PRDM1: variants seen among roughly 807,000 people sequenced by gnomAD.
PRDM1 encodes PR/SET domain 1, also known as PR domain zinc finger protein 1.
A neutral mutation model predicts 62.8 loss-of-function variants in PRDM1; 13 were observed. That is an observed-to-expected ratio of 0.21 (90% confidence interval 0.13 to 0.33). The LOEUF is 0.33. Among genes scored for constraint, PRDM1 ranks in the 10% least tolerant of loss-of-function variants. The pLI is 1.00. For synonymous variants in PRDM1, 396 were observed against 417.6 expected, an observed-to-expected ratio of 0.95 and a Z score of 0.63; for missense variants, 895 against 1,058.8, an observed-to-expected ratio of 0.85 and a Z score of 2.15.
intron 1 of PRDM1, among the ~76,000 whole-genome samples, chr6:106,030,126 C>T (rs1582431684): frequency 6.6e-6 from 1 of 151,990 alleles, no homozygotes; most frequent in African/African-American, 2.4e-5. Flanking sequence ...TTTGATATAT[C>T]TTTTGTGAAT....
In PRDM1 at chr6:106,106,019, C is replaced by T; in HGVS notation, c.1773+86C>T. The T allele has an allele frequency of 6.6e-7, 1 of 1,514,910 alleles. No homozygotes were observed. 93.8% of individuals were successfully genotyped at this position (1,514,910 alleles called of 1,614,324 possible). ...CTTGCTTTCCATGGGGTATCGATTG[C>T]ATTTGCAGTAGTATGAGCCCCCGGT... On this transcript the variant is annotated intron_variant, in intron 5 of 6. Transcript: ENST00000369096. The surrounding 1 kb of genome is among the most constrained non-coding windows in gnomAD (Gnocchi z 4.4).
At chr6:106,035,578 A>G (rs1179373310) in intron 1 of PRDM1, among the ~76,000 whole-genome samples, 2 of 152,166 alleles carry the variant, frequency 1.3e-5, no homozygotes. Flanking sequence ...GCAGTGAGCT[A>G]TGATAATGCC....
Position 106,080,329 on chromosome 6 carries a change from A to T in PRDM1, c.-66-7872A>T, listed in dbSNP as rs538017469. Reference sequence around the variant, plus strand: ...TTTAATCACTGATGTGCCCGTGAGCATGATTAGCTGTTAACCGATTAGTGA... The same window carrying T: ...TTTAATCACTGATGTGCCCGTGAGCTTGATTAGCTGTTAACCGATTAGTGA... On this transcript the variant is annotated intron_variant, in intron 1 of 6. Transcript: ENST00000651185. 2.6e-5 allele frequency among the ~76,000 whole-genome samples: 4 copies of T among 152,316 alleles called. No homozygotes were observed. In the South Asian group the frequency reaches 8.3e-4, roughly 32 times the overall value.
intron 1 of PRDM1, among the ~76,000 whole-genome samples, chr6:106,075,834 G>C (rs1773595982): frequency 1.3e-5 from 2 of 152,020 alleles, no homozygotes; most frequent in South Asian, 4.1e-4. Flanking sequence ...TGGTACTACA[G>C]GCATGCGACA....
At chr6:106,031,974 CTT>C (rs1350880111) in intron 1 of PRDM1, among the ~76,000 whole-genome samples, 2 of 152,016 alleles carry the variant, frequency 1.3e-5, no homozygotes, top group African/African-American at 4.8e-5. Flanking sequence ...ATGCAGGAAA[CTT>C]ATTTATTTTT....
intron 1 of PRDM1, among the ~76,000 whole-genome samples, chr6:106,033,905 T>C (rs1000764021): frequency 2.0e-5 from 3 of 152,118 alleles, no homozygotes; most frequent in African/African-American, 7.2e-5. Context: ...TTTATTATTA[T>C]TTTTATTACT....
In PRDM1 at chr6:106,088,347, C is replaced by T. The variant is rs994385430; in HGVS notation, c.189C>T (p.Asn63=). The change falls in exon 2 of 7, where the codon AAC becomes AAT. Residue 63 remains asparagine (N), a synonymous_variant. Coordinates refer to ENST00000369096, the MANE Select transcript of PRDM1 (RefSeq NM_001198.4). ...EFEEKCTYIV[N]DHPWDSGADG... ...AAGAGAAGTGTACATACATTGTGAA[C>T]GACCACCCCTGGGATTCTGGTGCTG... The T allele has an allele frequency of 9.9e-6, 16 of 1,614,020 alleles. No individual in the cohort carries two copies. The highest frequency in any genetic ancestry group is 8.3e-5 in the Admixed American group (5 of 59,994).
At chr6:106,052,101 A>G (rs995635660) in intron 1 of PRDM1, among the ~76,000 whole-genome samples, 13 of 152,198 alleles carry the variant, frequency 8.5e-5, no homozygotes, top group Admixed American at 5.2e-4. Flanking sequence ...GATACTGATG[A>G]TGGTTGCCCC....
At chr6:106,055,872 T>A (rs891463539) in intron 1 of PRDM1, among the ~76,000 whole-genome samples, 3 of 152,210 alleles carry the variant, frequency 2.0e-5, no homozygotes, top group African/African-American at 7.2e-5. Context: ...CTGTTGTTAC[T>A]TCAAGGCACA....
chr6:106,014,625 G>A (rs1025947269), intron 1 of PRDM1, among the ~76,000 whole-genome samples: 1 of 150,608 alleles, frequency 6.6e-6, no homozygotes, highest in Non-Finnish European at 1.5e-5. Context: ...TCAATAAAAC[G>A]ATGATAGATA....
intron 1 of PRDM1, among the ~76,000 whole-genome samples, chr6:106,010,895 G>A (rs1350008542): frequency 1.3e-5 from 2 of 152,176 alleles, no homozygotes; most frequent in Admixed American, 6.5e-5. Context: ...AGCTTGAAGT[G>A]TGTGGACTTG....
At chr6:106,009,718 C>T (rs1701816896) in intron 1 of PRDM1, among the ~76,000 whole-genome samples, 1 of 151,894 alleles carries the variant, frequency 6.6e-6, no homozygotes, top group Non-Finnish European at 1.5e-5. Flanking sequence ...TATCTTCTCC[C>T]TCCTGAATTT....
At position 106,107,459 on chromosome 6, in the gene PRDM1, A is replaced by C. The variant is rs558043523; in HGVS notation, c.2451A>C (p.Gln817His). 21 of 1,607,810 alleles carry C rather than the reference A, an allele frequency of 1.3e-5. No individual in the cohort carries two copies. In the East Asian group the frequency reaches 4.7e-4, roughly 36 times the overall value. Residue 817 changes from glutamine (Q) to histidine (H), a missense_variant, in exon 7 of 7, where the codon CAA becomes CAC. Around this residue, in one of 4 missense-constraint regions of PRDM1, gnomAD observed 164 missense variants for 179.9 expected, o/e 0.91. Coordinates refer to ENST00000369096, the MANE Select transcript of PRDM1 (RefSeq NM_001198.4). ...PLPLVPVKVK[Q>H]ETVEPMDP ...CTCTGGTACCTGTAAAGGTCAAACA[A>C]GAAACAGTTGAACCAATGGATCCTT...
At chr6:106,008,157 G>A (rs1772504501) in intron 1 of PRDM1, among the ~76,000 whole-genome samples, 1 of 152,126 alleles carries the variant, frequency 6.6e-6, no homozygotes, top group Admixed American at 6.5e-5. Context: ...TGGATCACGA[G>A]GTCAAGAGAT....
At position 106,105,148 on chromosome 6, in the gene PRDM1, C is replaced by G; in HGVS notation, c.988C>G (p.Pro330Ala). Residue 330 changes from proline to alanine, a missense_variant, in exon 5 of 7, where the codon CCA becomes GCA. Physicochemically the swap from Pro to Ala is conservative, Grantham distance 27. Around this residue, in one of 4 missense-constraint regions of PRDM1, gnomAD observed 444 missense variants for 422.7 expected, o/e 1.05. Transcript: ENST00000369096. ...CACGTACATCACTCGCTCCCCCATT[C>G]CATCCTCCACCACTCCAAGCCCCTC... ...RPTYITRSPI[P>A]SSTTPSPSAR... 6.2e-7 allele frequency: 1 copy of G among 1,613,134 alleles called. No homozygotes were observed. The highest frequency in any genetic ancestry group is 8.5e-7 in the Non-Finnish European group (1 of 1,179,568).
chr6:106,096,102 T>C, intron 3 of PRDM1: 1 of 174,448 alleles, frequency 5.7e-6, no homozygotes, highest in South Asian at 1.4e-4. Flanking sequence ...GATTTCTTGC[T>C]GACTTAACTT....
In PRDM1 at chr6:106,049,946, C is replaced by T. The variant is rs185730809; in HGVS notation, c.-67+1232C>T. Among the ~76,000 whole-genome samples the T allele has an allele frequency of 3.3e-5, 5 of 152,306 alleles. No individual in the cohort carries two copies. The East Asian group carries it at 9.6e-4, about 29-fold the overall frequency. On this transcript the variant is annotated intron_variant, in intron 1 of 6. Transcript: ENST00000651185. ...TGAGAATTTCATACCCACACTTTCA[C>T]CCTCATTCTAACCTGCTGACCACTT...
At chr6:106,039,686 C>T (rs1772966203) in intron 1 of PRDM1, among the ~76,000 whole-genome samples, 1 of 152,114 alleles carries the variant, frequency 6.6e-6, no homozygotes. Context: ...TATAATTTTA[C>T]CCCTGATGTG....
chr6:106,068,340 C>T (rs2114598766), intron 1 of PRDM1, among the ~76,000 whole-genome samples: 1 of 152,282 alleles, frequency 6.6e-6, no homozygotes. Context: ...GATCCACCTG[C>T]CTTGGCCTCC....
Sources: gnomAD v4.1 joint callset for allele counts (sites outside exome capture counted in the v4.1 genomes callset) on GRCh38, gnomAD v4.1.1 for gene constraint, gnomAD v4.1.1 regional missense constraint, Gnocchi (gnomAD v3.1) non-coding constraint, MANE v1.5 for transcripts, NCBI Gene and HGNC (gene_info 2026-07-23, HGNC 2026-07-21) for gene names.